The following TTC28 variants were observed in gnomAD, a reference collection of about 807,000 sequenced individuals.
The protein encoded by TTC28 is tetratricopeptide repeat protein 28.
A neutral mutation model predicts 198.0 loss-of-function variants in TTC28; 61 were observed. That is an observed-to-expected ratio of 0.31 (90% confidence interval 0.25 to 0.38). The LOEUF is 0.38. Ranked by LOEUF, TTC28 falls within the 10% of genes least tolerant of loss-of-function variation. The probability of loss-of-function intolerance (pLI) is 1.00; values close to 1 mark genes in which losing one functional copy is unlikely to be tolerated. For synonymous variants in TTC28, 1,171 were observed against 1,297.8 expected (o/e 0.90, Z 2.10); for missense variants, 2,678 against 3,164.0 (o/e 0.85, Z 3.69).
chr22:28,422,477 C>T (rs931221697), intron 2 of TTC28, among the ~76,000 whole-genome samples: 8 of 150,718 alleles, frequency 5.3e-5, no homozygotes, highest in Non-Finnish European at 1.0e-4. Flanking sequence ...CTCGCTCTGT[C>T]GCCAAGGCTG....
chr22:28,643,931 G>C (rs780610275), intron 1 of TTC28, among the ~76,000 whole-genome samples: 1 of 152,098 alleles, frequency 6.6e-6, no homozygotes, highest in Non-Finnish European at 1.5e-5. Context: ...CTCTAGTAGG[G>C]GAAGAAACAA....
chr22:28,173,715 C>T (rs73882703), intron 5 of TTC28, among the ~76,000 whole-genome samples: 2 of 152,296 alleles, frequency 1.3e-5, no homozygotes, highest in African/African-American at 4.8e-5. Context: ...TTTCTTCAAA[C>T]CACCTTTTAA....
intron 2 of TTC28, among the ~76,000 whole-genome samples, chr22:28,427,060 T>C (rs1422162590): frequency 2.0e-5 from 3 of 152,184 alleles, no homozygotes; most frequent in Admixed American, 2.0e-4. Context: ...AACCTACAGA[T>C]AACATTTTTC....
rs1262022003 is a variant in TTC28, at chr22:27,990,944, G to C, written c.5554-132C>G. 1.6e-5 allele frequency: 14 copies of C among 895,612 alleles called. No homozygotes were observed. In the African/African-American group the frequency reaches 2.0e-4, roughly 13 times the overall value. 55.5% of individuals were successfully genotyped at this position (895,612 alleles called of 1,614,324 possible). A position where few individuals can be genotyped will look rare whatever the true frequency, so the allele number is the denominator to read the frequency against. On this transcript the variant is annotated intron_variant, in intron 19 of 22. Transcript: ENST00000397906. ...CCACACCAGGCCCGCGGCTCTGACT[G>C]GGAGGGGAGAGGAGCAAGAGTCAGC...
chr22:28,598,010 G>A (rs2050570517), intron 2 of TTC28, among the ~76,000 whole-genome samples: 1 of 151,940 alleles, frequency 6.6e-6, no homozygotes. Flanking sequence ...TTACAGGCAT[G>A]AGCCACTGTG....
intron 2 of TTC28, among the ~76,000 whole-genome samples, chr22:28,432,668 C>T (rs955105227): frequency 3.3e-5 from 5 of 152,154 alleles, no homozygotes; most frequent in African/African-American, 1.2e-4. Context: ...CAAGCATATG[C>T]AGTTATGATT....
At chr22:28,335,248 G>A (rs1324086831) in intron 2 of TTC28, among the ~76,000 whole-genome samples, 2 of 152,066 alleles carry the variant, frequency 1.3e-5, no homozygotes, top group African/African-American at 4.8e-5. Context: ...TGCTGTTTTG[G>A]TTACTGTAGC....
intron 2 of TTC28, among the ~76,000 whole-genome samples, chr22:28,412,719 A>C (rs2047101359): frequency 6.6e-6 from 1 of 152,162 alleles, no homozygotes. Flanking sequence ...TCATTTCACA[A>C]TTTCAGCATG....
chr22:28,499,099 G>A (rs2048499602), intron 2 of TTC28, among the ~76,000 whole-genome samples: 1 of 152,088 alleles, frequency 6.6e-6, no homozygotes, highest in South Asian at 2.1e-4. Context: ...GATTGTTTGA[G>A]CCTGGGAAGT....
intron 12 of TTC28, among the ~76,000 whole-genome samples, chr22:28,041,057 A>C (rs1167507574): frequency 6.6e-6 from 1 of 152,204 alleles, no homozygotes; most frequent in African/African-American, 2.4e-5. Context: ...GGAAAACTAC[A>C]AACTACTGGT....
At chr22:28,661,443 T>G (rs2051745895) in intron 1 of TTC28, among the ~76,000 whole-genome samples, 1 of 152,154 alleles carries the variant, frequency 6.6e-6, no homozygotes, top group African/African-American at 2.4e-5. Flanking sequence ...TTTTAGAGAC[T>G]GGGTTTCATT....
At chr22:28,597,428 C>T (rs2146108502) in intron 2 of TTC28, among the ~76,000 whole-genome samples, 1 of 152,162 alleles carries the variant, frequency 6.6e-6, no homozygotes, top group African/African-American at 2.4e-5. Context: ...GTAACAACAC[C>T]CAGGCCCCTT....
intron 2 of TTC28, among the ~76,000 whole-genome samples, chr22:28,426,211 CAAAAAAAA>C (rs34448246): frequency 9.3e-5 from 8 of 85,688 alleles, no homozygotes; most frequent in Admixed American, 1.4e-4. Flanking sequence ...GACTCCACGT[CAAAAAAAA>C]AAAAAAAAAA....
intron 2 of TTC28, among the ~76,000 whole-genome samples, chr22:28,536,679 T>C (rs2049287691): frequency 2.6e-5 from 4 of 152,278 alleles, no homozygotes; most frequent in African/African-American, 9.6e-5. Flanking sequence ...AATGTAATAG[T>C]CTGTCCTTTC....
At chr22:28,204,098 G>A (rs968829543) in intron 5 of TTC28, among the ~76,000 whole-genome samples, 1 of 151,874 alleles carries the variant, frequency 6.6e-6, no homozygotes, top group South Asian at 2.1e-4. Flanking sequence ...CTTCCCATAG[G>A]GGCACTCTCT....
chr22:28,386,178 G>A (rs1213824617), intron 2 of TTC28, among the ~76,000 whole-genome samples: 1 of 147,688 alleles, frequency 6.8e-6, no homozygotes, highest in Non-Finnish European at 1.5e-5. Context: ...GGGAGGCTGA[G>A]GCAGGAGAAT....
At chr22:28,165,852 C>T (rs532198541) in intron 5 of TTC28, among the ~76,000 whole-genome samples, 13 of 152,240 alleles carry the variant, frequency 8.5e-5, no homozygotes, top group Middle Eastern at 3.4e-3. Flanking sequence ...TGTAAATGGG[C>T]TAAATGCTCC....
chr22:28,547,963 G>T (rs914741089), intron 2 of TTC28, among the ~76,000 whole-genome samples: 2 of 150,892 alleles, frequency 1.3e-5, no homozygotes, highest in Non-Finnish European at 2.9e-5. Flanking sequence ...GAAAATTGTG[G>T]GTCATTAATC....
intron 12 of TTC28, among the ~76,000 whole-genome samples, chr22:28,038,866 AAC>A (rs1462368213): frequency 7.2e-5 from 11 of 152,382 alleles, no homozygotes; most frequent in Non-Finnish European, 8.8e-5. Flanking sequence ...AAAGCATATG[AAC>A]AGACATTTCT....
Sources: allele counts gnomAD v4.1 joint callset (sites outside exome capture counted in the v4.1 genomes callset), GRCh38; gene constraint gnomAD v4.1.1; transcripts MANE v1.5; gene names NCBI Gene and HGNC (gene_info 2026-07-23, HGNC 2026-07-21).